POLN: variants seen among roughly 807,000 people sequenced by gnomAD.
POLN encodes the protein DNA polymerase nu.
POLN carries 108 observed loss-of-function variants against 113.5 expected under a neutral mutation model. The observed-to-expected ratio is 0.95, with a 90% CI of 0.81 to 1.12. POLN has a LOEUF of 1.12. POLN is among the 50% of genes most tolerant of loss of function. POLN has a pLI of 0.00. For synonymous variants in POLN, 386 were observed against 391.5 expected, an observed-to-expected ratio of 0.99 and a Z score of 0.17; for missense variants, 1,097 against 1,077.1, an observed-to-expected ratio of 1.02 and a Z score of -0.26.
At chr4:2,226,580 T>G (rs888071208) in intron 3 of POLN, among the ~76,000 whole-genome samples, 1 of 152,204 alleles carries the variant, frequency 6.6e-6, no homozygotes, top group African/African-American at 2.4e-5. Context: ...ACAAAGTGTT[T>G]CTAAATAAGG....
intron 3 of POLN, among the ~76,000 whole-genome samples, chr4:2,227,232 G>A (rs1734421235): frequency 6.6e-6 from 1 of 152,202 alleles, no homozygotes; most frequent in South Asian, 2.1e-4. Flanking sequence ...CACATGACAG[G>A]AACTGGGGAT....
chr4:2,079,223 G>A (rs779054601), intron 23 of POLN: 7 of 222,840 alleles, frequency 3.1e-5, no homozygotes, highest in East Asian at 1.8e-4. Context: ...GAGCCACTGC[G>A]CCCAGCCTTG....
rs138984441 is a variant in POLN, at chr4:2,175,492, C to T, written c.1249-741G>A. 8.5e-5 allele frequency among the ~76,000 whole-genome samples: 13 copies of T among 152,290 alleles called. No homozygotes were observed. The East Asian group carries it at 2.5e-3, about 29-fold the overall frequency. On this transcript the variant is annotated intron_variant, in intron 9 of 25. Transcript: ENST00000511885. ...TTACCAATAATTCTCATTGATTTTT[C>T]ACTGCCACTATGGATTAATTTGAGG...
chr4:2,185,126 C>T (rs1436002583), intron 7 of POLN, among the ~76,000 whole-genome samples: 1 of 152,126 alleles, frequency 6.6e-6, no homozygotes, highest in Admixed American at 6.5e-5. Flanking sequence ...GGAACCTAGA[C>T]AATGACAAGC....
intron 8 of POLN, among the ~76,000 whole-genome samples, chr4:2,178,735 C>T (rs1733056242): frequency 6.6e-6 from 1 of 152,098 alleles, no homozygotes; most frequent in Non-Finnish European, 1.5e-5. Flanking sequence ...CCTCAGCCTC[C>T]TGAGTAGCTG....
At chr4:2,085,956 G>A (rs1435724325) in intron 20 of POLN, among the ~76,000 whole-genome samples, 1 of 152,218 alleles carries the variant, frequency 6.6e-6, no homozygotes, top group African/African-American at 2.4e-5. Flanking sequence ...CTGACTCAGT[G>A]CCTGCCAGGT....
chr4:2,174,142 C>G, intron 10 of POLN, 123 bp from the exon 11 acceptor site: 1 of 878,432 alleles, frequency 1.1e-6, no homozygotes, highest in Non-Finnish European at 1.9e-6. Flanking sequence ...TCAGCACCTG[C>G]TGCATGCCAA....
Position 2,081,048 on chromosome 4 carries a change from G to T in POLN, c.2309-12C>A, listed in dbSNP as rs754217883. ...GTCAGCAGCGGAGCCTATGGGGCGC[G>T]TGGTACTGTCTTGAGGTCCCATGGC... On this transcript the variant is annotated splice_polypyrimidine_tract_variant and intron_variant, in intron 22 of 25. Coordinates refer to ENST00000511885, the MANE Select transcript of POLN (RefSeq NM_181808.4). 3.1e-6 allele frequency: 5 copies of T among 1,613,474 alleles called. No individual in the cohort carries two copies. Among genetic ancestry groups the T allele is most frequent in the Non-Finnish European group, 3.4e-6 (4 of 1,179,982 alleles).
At chr4:2,085,344 G>A (rs1193555388) in intron 21 of POLN, among the ~76,000 whole-genome samples, 1 of 152,178 alleles carries the variant, frequency 6.6e-6, no homozygotes, top group Non-Finnish European at 1.5e-5. Flanking sequence ...CTTTCCAGGT[G>A]CAGGCTTGTA....
At chr4:2,170,516 T>C (rs910254331) in intron 13 of POLN, among the ~76,000 whole-genome samples, 163 bp downstream of exon 13, 6 of 152,174 alleles carry the variant, frequency 3.9e-5, no homozygotes, top group African/African-American at 1.4e-4. Context: ...CCTTGGTCCA[T>C]AGCGAGAAAA....
At chr4:2,226,731 T>C (rs976981856) in intron 3 of POLN, among the ~76,000 whole-genome samples, 1 of 152,214 alleles carries the variant, frequency 6.6e-6, no homozygotes, top group Non-Finnish European at 1.5e-5. Flanking sequence ...TGGTGTGACT[T>C]AGTGTTTGTA....
intron 20 of POLN, among the ~76,000 whole-genome samples, chr4:2,087,143 G>C (rs932849950): frequency 6.6e-6 from 1 of 152,230 alleles, no homozygotes; most frequent in African/African-American, 2.4e-5. Flanking sequence ...GGCAGAAAGG[G>C]ATAAAGTCAT....
chr4:2,102,170 G>A (rs1414540599), intron 19 of POLN, among the ~76,000 whole-genome samples: 1 of 152,128 alleles, frequency 6.6e-6, no homozygotes, highest in African/African-American at 2.4e-5. Context: ...ACCAAGGCAG[G>A]TGCATGCACT....
At chr4:2,197,294 A>G (rs1733600704) in intron 6 of POLN, among the ~76,000 whole-genome samples, 1 of 152,232 alleles carries the variant, frequency 6.6e-6, no homozygotes, top group Admixed American at 6.5e-5. Flanking sequence ...AGGAGGTAAC[A>G]ACTTGTGCCG....
chr4:2,195,025 T>C (rs987223871), intron 6 of POLN, among the ~76,000 whole-genome samples: 1 of 152,110 alleles, frequency 6.6e-6, no homozygotes, highest in Admixed American at 6.5e-5. Flanking sequence ...ATAACAAACG[T>C]ACAGAGAGAA....
rs1226659134 is a variant in POLN at position 2,210,623 on chromosome 4, AT to A, written c.214-2137del. Among the ~76,000 whole-genome samples the A allele has an allele frequency of 1.1e-3, 146 of 130,992 alleles. 1 individual carries two copies. The highest frequency in any genetic ancestry group is 1.3e-3 in the Non-Finnish European group (83 of 64,734). 85.9% of individuals were successfully genotyped at this position (130,992 alleles called of 152,430 possible). A position where few individuals can be genotyped will look rare whatever the true frequency, so the allele number is the denominator to read the frequency against. The stretch of plus-strand genomic sequence containing the variant: ...AATAATAATAATAATAATAATAATA[AT>A]AATAATAAAAAAAAGAGGCCGGGCA... On this transcript the variant is annotated intron_variant, in intron 4 of 25. Transcript: ENST00000511885.
At chr4:2,128,010 A>G (rs148096540) in intron 19 of POLN, 103 bp downstream of exon 19, 33 of 741,200 alleles carry the variant, frequency 4.5e-5, no homozygotes, top group Admixed American at 1.4e-4. Flanking sequence ...CACAAAAAAT[A>G]TAATTTCTGC....
At position 2,176,286 on chromosome 4, in the gene POLN, C is replaced by T. The variant is rs544639544; in HGVS notation, c.1228G>A (p.Asp410Asn). 6.2e-7 allele frequency: 1 copy of T among 1,605,868 alleles called. No homozygotes were observed. The highest frequency in any genetic ancestry group is 1.1e-5 in the South Asian group (1 of 89,328). ...NLKTLYRLTM[D>N]LCSKLKDYGL... is the part of the protein sequence containing the mutation. ...CTTGCCTTCAGTTTAGAGCAAAGGT[C>T]CATTGTAAGTCTGTAGAGTGTCTTC... The change falls in exon 9 of 26, where the codon GAC (aspartate) becomes AAC (asparagine). Residue 410 changes from aspartate to asparagine, a missense_variant. Asp to Asn is a conservative substitution (Grantham distance 23). Transcript: ENST00000511885.
At chr4:2,219,388 G>A (rs1270745009) in intron 3 of POLN, among the ~76,000 whole-genome samples, 4 of 152,162 alleles carry the variant, frequency 2.6e-5, no homozygotes, top group Non-Finnish European at 4.4e-5. Flanking sequence ...CACTCACTAT[G>A]GTGTTGCATA....
Sources: gnomAD v4.1 joint callset for allele counts (sites outside exome capture counted in the v4.1 genomes callset) on GRCh38, gnomAD v4.1.1 for gene constraint, MANE v1.5 for transcripts, NCBI Gene and HGNC (gene_info 2026-07-23, HGNC 2026-07-21) for gene names.